Variants in ACAD11 observed in about 807,000 individuals in gnomAD.
ACAD11 encodes the protein acyl-CoA dehydrogenase family member 11, also known as acyl-Coenzyme A dehydrogenase family, member 11.
Under a neutral mutation model 102.2 loss-of-function variants are expected in ACAD11, and 83 were observed. That is an observed-to-expected ratio of 0.81 (90% CI 0.68 to 0.97). The LOEUF is 0.97. ACAD11 is among the 50% of genes least tolerant of loss of function. The pLI is 0.00. For missense variants in ACAD11, 901 were observed against 951.7 expected (o/e 0.95, Z 0.70); for synonymous variants, 324 against 319.8 (o/e 1.01, Z -0.14).
At chr3:132,613,034 T>C (rs1456075106) in intron 11 of ACAD11, among the ~76,000 whole-genome samples, 1 of 152,064 alleles carries the variant, frequency 6.6e-6, no homozygotes, top group Non-Finnish European at 1.5e-5. Flanking sequence ...CACCATGGAA[T>C]ACTATGCAGC....
chr3:132,623,199 T>G (rs1939671572), intron 9 of ACAD11, among the ~76,000 whole-genome samples: 1 of 152,134 alleles, frequency 6.6e-6, no homozygotes, highest in Non-Finnish European at 1.5e-5. Flanking sequence ...CTATAGAAAA[T>G]TTGAAAATAT....
chr3:132,641,585 G>GAAC (rs1409354934), intron 4 of ACAD11, among the ~76,000 whole-genome samples: 6 of 150,244 alleles, frequency 4.0e-5, no homozygotes, highest in Non-Finnish European at 7.4e-5. Context: ...AGAAGAAGAA[G>GAAC]AAGAAGAAGA....
At chr3:132,573,011 T>G (rs1172620659) in intron 17 of ACAD11, among the ~76,000 whole-genome samples, 1 of 151,942 alleles carries the variant, frequency 6.6e-6, no homozygotes, top group East Asian at 1.9e-4. Flanking sequence ...TTGCTACACT[T>G]ATCTACACGT....
chr3:132,585,406 G>A (rs1452260307), intron 13 of ACAD11, among the ~76,000 whole-genome samples: 4 of 152,094 alleles, frequency 2.6e-5, no homozygotes, highest in Non-Finnish European at 4.4e-5. Context: ...AGAAAACCTA[G>A]GCAATACCAT....
At chr3:132,649,787 C>G (rs1940867229) in intron 1 of ACAD11, 1 of 152,280 alleles carries the variant, frequency 6.6e-6, no homozygotes, top group East Asian at 1.9e-4. Context: ...GGGCTGGCCC[C>G]CTTCAGGTTT....
At chr3:132,627,673 T>C (rs926477050) in intron 8 of ACAD11, among the ~76,000 whole-genome samples, 1 of 152,020 alleles carries the variant, frequency 6.6e-6, no homozygotes, top group Non-Finnish European at 1.5e-5. Context: ...TTAAAATAAA[T>C]TAAAATAAAA....
intron 13 of ACAD11, among the ~76,000 whole-genome samples, chr3:132,599,899 A>C (rs1938491757): frequency 6.6e-6 from 1 of 152,132 alleles, no homozygotes; most frequent in Admixed American, 6.5e-5. Flanking sequence ...TTTATAAATA[A>C]CATCAAAATA....
At chr3:132,594,669 G>C (rs1411220022) in intron 13 of ACAD11, among the ~76,000 whole-genome samples, 3 of 152,168 alleles carry the variant, frequency 2.0e-5, no homozygotes, top group African/African-American at 7.2e-5. Flanking sequence ...AGGCTTCCTG[G>C]ATTAATGTTA....
intron 13 of ACAD11, among the ~76,000 whole-genome samples, chr3:132,598,583 T>G (rs1266670023): frequency 6.6e-6 from 1 of 152,236 alleles, no homozygotes; most frequent in Non-Finnish European, 1.5e-5. Flanking sequence ...ATGTAGAGAT[T>G]GCTAATACAT....
rs143498813 is a variant in ACAD11, at chr3:132,563,273, T to C, written c.2002-2056A>G. ...CTGAGCTTTCTTCTTTTTCAAATTG[T>C]TTTGGCTACTTTAGTGTTTTTGTAT... On this transcript the variant is annotated intron_variant, in intron 17 of 19. Transcript: ENST00000264990. Among the ~76,000 whole-genome samples the C allele has an allele frequency of 2.3e-4, 35 of 152,308 alleles. No individual in the cohort carries two copies. In the East Asian group the frequency reaches 6.7e-3, roughly 29 times the overall value.
At position 132,639,535 on chromosome 3, in the gene ACAD11, T is replaced by C. The variant is rs751460656; in HGVS notation, c.659A>G (p.His220Arg). Residue 220 changes from histidine (H) to arginine (R), a missense_variant, in exon 5 of 20, where the codon CAT becomes CGT. Coordinates refer to ENST00000264990, the MANE Select transcript of ACAD11 (RefSeq NM_032169.5). Reference sequence around the variant, plus strand: ...TATGTTATCTAGTCTGAAATCTCCATGAATCAAATTCTCTTCATTGTCATT... The same window carrying C: ...TATGTTATCTAGTCTGAAATCTCCACGAATCAAATTCTCTTCATTGTCATT... ...PDNDNEENLI[H>R]GDFRLDNIVF... 4.3e-6 allele frequency: 7 copies of C among 1,614,046 alleles called. No individual in the cohort carries two copies. The highest frequency in any genetic ancestry group is 5.9e-6 in the Non-Finnish European group (7 of 1,179,982).
At chr3:132,646,199 C>T (rs1940711901) in intron 1 of ACAD11, among the ~76,000 whole-genome samples, 1 of 152,090 alleles carries the variant, frequency 6.6e-6, no homozygotes, top group South Asian at 2.1e-4. Flanking sequence ...CTCTTGACCT[C>T]GTGATCCGCC....
At position 132,558,838 on chromosome 3, in the gene ACAD11, A is replaced by G. The variant is rs1576539398; in HGVS notation, c.*133T>C. ...AAACCCACTGATCAAAATAGATGCT[A>G]TAATCTTTACCACAAATGAATAATT... On this transcript the variant is annotated 3_prime_UTR_variant, in exon 20 of 20. Transcript: ENST00000264990. 10 of 660,374 alleles carry G rather than the reference A, an allele frequency of 1.5e-5. No homozygotes were observed. The highest frequency in any genetic ancestry group is 2.6e-4 in the Middle Eastern group (1 of 3,810). The allele number at this position is 660,374 out of a possible 1,614,324, so 40.9% of individuals were successfully genotyped here.
At chr3:132,587,258 T>C (rs576994398) in intron 13 of ACAD11, among the ~76,000 whole-genome samples, 1 of 152,330 alleles carries the variant, frequency 6.6e-6, no homozygotes. Flanking sequence ...CTCTCCCTCT[T>C]GCCTCTTCTG....
intron 13 of ACAD11, among the ~76,000 whole-genome samples, chr3:132,580,897 A>G (rs1937587977): frequency 6.6e-6 from 1 of 152,018 alleles, no homozygotes; most frequent in South Asian, 2.1e-4. Context: ...CAAAAATGTA[A>G]GAGACACTTA....
chr3:132,612,533 AAAAC>A (rs1486248371), intron 11 of ACAD11, among the ~76,000 whole-genome samples: 9 of 152,206 alleles, frequency 5.9e-5, no homozygotes, highest in East Asian at 1.9e-4. Context: ...TTACAAGAAA[AAAAC>A]AAACAACCCC....
intron 9 of ACAD11, 66 bp from the exon 10 acceptor site, chr3:132,619,611 C>T: frequency 1.2e-6 from 1 of 829,554 alleles, no homozygotes; most frequent in Non-Finnish European, 1.9e-6. Flanking sequence ...ATGTCATAAA[C>T]TGCTAATATC....
At chr3:132,578,726 G>C in intron 15 of ACAD11, 70 bp downstream of exon 15, 1 of 1,501,602 alleles carries the variant, frequency 6.7e-7, no homozygotes, top group Non-Finnish European at 9.2e-7. Flanking sequence ...AAATGCTATT[G>C]CCTTCAATGT....
At chr3:132,635,560 T>C (rs561305851) in intron 5 of ACAD11, among the ~76,000 whole-genome samples, 1 of 152,280 alleles carries the variant, frequency 6.6e-6, no homozygotes, top group African/African-American at 2.4e-5. Context: ...GCTGTATAAC[T>C]CTGGACAAGT....
Sources: allele counts gnomAD v4.1 joint callset (sites outside exome capture counted in the v4.1 genomes callset), GRCh38; gene constraint gnomAD v4.1.1; transcripts MANE v1.5; gene names NCBI Gene and HGNC (gene_info 2026-07-23, HGNC 2026-07-21).